The following TRIP12 variants were observed in gnomAD, a reference collection of about 807,000 sequenced individuals.
The protein encoded by TRIP12 is E3 ubiquitin-protein ligase TRIP12.
Under a neutral mutation model 244.2 loss-of-function variants are expected in TRIP12, and 25 were observed. The observed-to-expected ratio is 0.10, with a 90% confidence interval of 0.07 to 0.14. The LOEUF is 0.14. TRIP12 is among the 10% of genes least tolerant of loss of function. TRIP12 has a pLI of 1.00. For synonymous variants in TRIP12, 905 were observed against 873.1 expected, an observed-to-expected ratio of 1.04 and a Z score of -0.64; for missense variants, 1,677 against 2,486.4, an observed-to-expected ratio of 0.67 and a Z score of 6.92.
chr2:229,915,692 TAAAAAA>T (rs11291133), intron 1 of TRIP12, among the ~76,000 whole-genome samples: 1 of 146,534 alleles, frequency 6.8e-6, no homozygotes, highest in African/African-American at 2.5e-5. Flanking sequence ...TATTGTATAC[TAAAAAA>T]AAAAAAAAAT....
At chr2:229,889,520 G>C (rs1480120289) in intron 1 of TRIP12, among the ~76,000 whole-genome samples, 4 of 152,148 alleles carry the variant, frequency 2.6e-5, no homozygotes, top group Non-Finnish European at 5.9e-5. Flanking sequence ...ATGGTGCACA[G>C]ACCCAATTTT....
upstream of TRIP12, chr2:229,922,464 C>A (rs1371110965): frequency 1.9e-6 from 3 of 1,597,014 alleles, no homozygotes; most frequent in East Asian, 2.2e-5. Flanking sequence ...TGACCCCAAC[C>A]AAGCCCCGCC....
At chr2:229,872,231 C>G (rs894588356) in intron 2 of TRIP12, among the ~76,000 whole-genome samples, 1 of 151,616 alleles carries the variant, frequency 6.6e-6, no homozygotes, top group African/African-American at 2.4e-5. Context: ...GAGCTTGAGA[C>G]GAGTCTGGGC....
At chr2:229,773,080 CT>C (rs35282953) in intron 38 of TRIP12, among the ~76,000 whole-genome samples, 36,384 of 145,470 alleles carry the variant, frequency 0.25, 5,066 homozygotes, top group Middle Eastern at 0.42. Context: ...TATATACATG[CT>C]TTTTTTTTTT....
chr2:229,907,060 T>G (rs1378243868), intron 1 of TRIP12, among the ~76,000 whole-genome samples: 1 of 152,212 alleles, frequency 6.6e-6, no homozygotes, highest in Non-Finnish European at 1.5e-5. Flanking sequence ...AATTTTTAGA[T>G]TCCATTTTAA....
intron 8 of TRIP12, among the ~76,000 whole-genome samples, chr2:229,827,652 A>G (rs2052093885): frequency 6.6e-6 from 1 of 152,112 alleles, no homozygotes; most frequent in Non-Finnish European, 1.5e-5. Flanking sequence ...CTCCTATGAC[A>G]ACAATGCCTT....
intron 1 of TRIP12, among the ~76,000 whole-genome samples, chr2:229,919,861 C>T (rs1440687651): frequency 6.6e-6 from 1 of 152,226 alleles, no homozygotes; most frequent in Non-Finnish European, 1.5e-5. Flanking sequence ...CTCCCTCAAT[C>T]TCACAAAGAT....
chr2:229,787,463 T>A lies in TRIP12; in HGVS notation c.4995+42A>T, dbSNP rs776348327. The A allele has an allele frequency of 3.2e-5, 50 of 1,575,202 alleles. No homozygotes were observed. In the South Asian group the frequency reaches 5.5e-4, roughly 17 times the overall value. Reference sequence around the variant, plus strand: ...ACATTTCTAGTTTTTCCCATTATTTTGAAAAGCTCAGATTATTTAAAGATT... The same window carrying A: ...ACATTTCTAGTTTTTCCCATTATTTAGAAAAGCTCAGATTATTTAAAGATT... On this transcript the variant is annotated intron_variant, in intron 33 of 41. Transcript: ENST00000675903.
At chr2:229,865,347 AGAAAG>A (rs2061352551) in intron 2 of TRIP12, among the ~76,000 whole-genome samples, 6 of 35,238 alleles carry the variant, frequency 1.7e-4, no homozygotes, top group Non-Finnish European at 2.3e-4. Flanking sequence ...AAAAAAAGAA[AGAAAG>A]AAAGCAAAAT....
At chr2:229,856,968 C>T (rs1344256900) in intron 4 of TRIP12, among the ~76,000 whole-genome samples, 2 of 152,276 alleles carry the variant, frequency 1.3e-5, no homozygotes, top group Non-Finnish European at 2.9e-5. Flanking sequence ...ACAGGTTAAA[C>T]ATAAAATTTT....
At chr2:229,922,729 G>C (rs2076781699), upstream of TRIP12, 7 of 984,102 alleles carry the variant, frequency 7.1e-6, no homozygotes, top group Admixed American at 8.4e-5. Flanking sequence ...CCCAGTCCCG[G>C]CTCCGCGCCG....
intron 1 of TRIP12, among the ~76,000 whole-genome samples, chr2:229,906,303 C>CAAAAAAAAAA (rs34519454): frequency 1.0e-5 from 1 of 98,960 alleles, no homozygotes; most frequent in Non-Finnish European, 2.1e-5. Context: ...GAGACTGTCT[C>CAAAAAAAAAA]AAAAAAAAAA....
chr2:229,791,022 T>C, intron 30 of TRIP12, 102 bp downstream of exon 30: 1 of 1,433,750 alleles, frequency 7.0e-7, no homozygotes, highest in South Asian at 1.3e-5. Flanking sequence ...CTCAACTATA[T>C]TCAAAAATTT....
At chr2:229,845,866 G>A (rs2057462403) in intron 4 of TRIP12, among the ~76,000 whole-genome samples, 1 of 150,122 alleles carries the variant, frequency 6.7e-6, no homozygotes. Flanking sequence ...AAATTACGAA[G>A]AAAAAAAAAA....
chr2:229,789,466 G>A (rs2040883186), intron 31 of TRIP12, 145 bp downstream of exon 31: 3 of 827,946 alleles, frequency 3.6e-6, no homozygotes, highest in Non-Finnish European at 5.1e-6. Context: ...AAAAAGTGGG[G>A]GAGAAGTTTC....
chr2:229,920,076 G>A (rs1304646886), intron 1 of TRIP12, among the ~76,000 whole-genome samples: 6 of 152,192 alleles, frequency 3.9e-5, no homozygotes, highest in African/African-American at 1.2e-4. Context: ...CCCCCGGGGT[G>A]TAAATGCGAC....
chr2:229,845,642 A>ATACC (rs1332039241), intron 4 of TRIP12, among the ~76,000 whole-genome samples: 3 of 152,220 alleles, frequency 2.0e-5, no homozygotes, highest in Admixed American at 6.5e-5. Context: ...CAGTATACAA[A>ATACC]TTAATATCTT....
Position 229,805,880 on chromosome 2 carries a change from C to T in TRIP12, c.2500G>A (p.Ala834Thr). 1 of 1,550,668 alleles carries T rather than the reference C, an allele frequency of 6.4e-7. No homozygotes were observed. The highest frequency in any genetic ancestry group is 8.8e-7 in the Non-Finnish European group (1 of 1,134,906). The change falls in exon 18 of 42, where the codon GCC becomes ACC. Residue 834 changes from alanine (A) to threonine (T), a missense_variant. Transcript: ENST00000675903. ...ATCTCATCCTCACCGACCTGATGGG[C>T]TGCCTGAGAGCAAAGAGAGAGAAAC... ...NRIDSRIIEA[A>T]HQVGEDEISL...
intron 13 of TRIP12, among the ~76,000 whole-genome samples, chr2:229,812,066 T>G (rs1281576767): frequency 6.6e-6 from 1 of 152,160 alleles, no homozygotes; most frequent in Non-Finnish European, 1.5e-5. Context: ...CAGAAAAGAT[T>G]ATCTCAACTA....
Sources: allele counts gnomAD v4.1 joint callset (sites outside exome capture counted in the v4.1 genomes callset), GRCh38; gene constraint gnomAD v4.1.1; transcripts MANE v1.5; gene names NCBI Gene and HGNC (gene_info 2026-07-23, HGNC 2026-07-21).